Variants in ADGRG4 observed in about 807,000 individuals in gnomAD.
The protein encoded by ADGRG4 is G protein-coupled receptor 112.
ADGRG4 carries 122 observed loss-of-function variants against 126.2 expected under a neutral mutation model. The observed-to-expected ratio is 0.97, with a 90% CI of 0.83 to 1.12. The LOEUF is 1.12. ADGRG4 is among the 50% of genes most tolerant of loss of function. The pLI, the probability that ADGRG4 is intolerant of heterozygous loss-of-function variation, is 0.00. For missense variants in ADGRG4, 2,481 were observed against 2,251.8 expected (o/e 1.10, Z -2.06); for synonymous variants, 943 against 838.7 (o/e 1.12, Z -2.15).
chrX:136,372,039 A>C (rs771774535), intron 14 of ADGRG4, among the ~76,000 whole-genome samples: 1 of 111,813 alleles, frequency 8.9e-6, no homozygotes, highest in South Asian at 3.7e-4. Flanking sequence ...TAGAATGTTC[A>C]TTGTGAAAGG....
At chrX:136,401,721 C>T (rs1261903026) in intron 21 of ADGRG4, among the ~76,000 whole-genome samples, 1 of 112,209 alleles carries the variant, frequency 8.9e-6, no homozygotes, top group Non-Finnish European at 1.9e-5. Flanking sequence ...ATGACCGCCA[C>T]GTGAGTTGTA....
At chrX:136,366,863 G>A (rs752371933) in intron 13 of ADGRG4, among the ~76,000 whole-genome samples, 2 of 100,215 alleles carry the variant, frequency 2.0e-5, no homozygotes, top group Non-Finnish European at 4.1e-5. Flanking sequence ...TAGGCTGAAT[G>A]TTTGTGTGCC....
At chrX:136,329,411 G>A (rs1161595359) in intron 5 of ADGRG4, among the ~76,000 whole-genome samples, 1 of 112,031 alleles carries the variant, frequency 8.9e-6, no homozygotes, top group East Asian at 2.8e-4. Context: ...TTTGTGTAGA[G>A]TGAAAGAGCA....
chrX:136,393,418 A>G lies in ADGRG4; in HGVS notation c.8035-117A>G, dbSNP rs769228746. 5.0e-5 allele frequency: 27 copies of G among 540,307 alleles called. 1 individual carries two copies. The African/African-American group carries it at 6.1e-4, about 12-fold the overall frequency. The allele number at this position is 540,307 out of a possible 1,213,427, so 44.5% of individuals were successfully genotyped here. On this transcript the variant is annotated intron_variant, in intron 17 of 25. Coordinates refer to ENST00000394143, the MANE Select transcript of ADGRG4 (RefSeq NM_153834.4). ...GTATGTGTATGTGTGTGTGCATGTC[A>G]GTGTGTGCATGTTTACCATGGGAAA... is the stretch of plus-strand genomic sequence containing the variant.
In ADGRG4 at chrX:136,317,826, G is replaced by A. The variant is rs966311892; in HGVS notation, c.71-4952G>A. 4.5e-5 allele frequency among the ~76,000 whole-genome samples: 5 copies of A among 111,661 alleles called. No individual in the cohort carries two copies. The South Asian group carries it at 1.5e-3, about 34-fold the overall frequency. On this transcript the variant is annotated intron_variant, in intron 4 of 25. Coordinates refer to ENST00000394143, the MANE Select transcript of ADGRG4 (RefSeq NM_153834.4). ...ATCAGCCATTAGGGAAATACAAATC[G>A]AAACCACAATGAGATACCACTCCAT...
intron 9 of ADGRG4, among the ~76,000 whole-genome samples, 188 bp from the exon 10 acceptor site, chrX:136,357,516 T>C (rs777449807): frequency 8.9e-6 from 1 of 112,195 alleles, no homozygotes; most frequent in East Asian, 2.8e-4. Context: ...ACAATCCCTG[T>C]ATTGCCCACC....
At chrX:136,303,070 T>C (rs1453513547) in intron 1 of ADGRG4, among the ~76,000 whole-genome samples, 1 of 111,951 alleles carries the variant, frequency 8.9e-6, no homozygotes, top group Admixed American at 9.5e-5. Flanking sequence ...GCTGTTATTC[T>C]GGCACTTTGG....
At chrX:136,336,060 T>A (rs1026808817) in intron 5 of ADGRG4, among the ~76,000 whole-genome samples, 1 of 112,179 alleles carries the variant, frequency 8.9e-6, no homozygotes, top group Non-Finnish European at 1.9e-5. Context: ...AAATTAAATT[T>A]AATTTGATTA....
intron 15 of ADGRG4, among the ~76,000 whole-genome samples, chrX:136,380,169 A>C (rs2075250891): frequency 1.1e-5 from 1 of 91,867 alleles, no homozygotes; most frequent in African/African-American, 3.8e-5. Flanking sequence ...TGTTACCAAA[A>C]AAAAAAAAAA....
At chrX:136,303,013 C>T (rs1015908858) in intron 1 of ADGRG4, among the ~76,000 whole-genome samples, 3 of 111,288 alleles carry the variant, frequency 2.7e-5, no homozygotes, top group South Asian at 7.8e-4. Context: ...TGGTATGGCC[C>T]CTTTTATAGT....
intron 13 of ADGRG4, among the ~76,000 whole-genome samples, chrX:136,364,500 C>A (rs1277319144): frequency 9.0e-6 from 1 of 111,651 alleles, no homozygotes; most frequent in African/African-American, 3.3e-5. Flanking sequence ...TTATATATAC[C>A]ACAATAAATG....
chrX:136,339,191 C>G (rs911160595), intron 5 of ADGRG4, among the ~76,000 whole-genome samples: 5 of 111,257 alleles, frequency 4.5e-5, no homozygotes, highest in Non-Finnish European at 3.8e-5. Flanking sequence ...TTCTTGTTTC[C>G]CCTGCCTACC....
chrX:136,327,823 CTAGT>C (rs1309122126), intron 5 of ADGRG4, among the ~76,000 whole-genome samples: 7 of 110,860 alleles, frequency 6.3e-5, no homozygotes, highest in Non-Finnish European at 1.1e-4. Flanking sequence ...ATCATTTTTA[CTAGT>C]TATTTTATTA....
At chrX:136,395,938 C>T (rs1384501581) in intron 19 of ADGRG4, among the ~76,000 whole-genome samples, 1 of 111,677 alleles carries the variant, frequency 9.0e-6, no homozygotes, top group African/African-American at 3.3e-5. Context: ...TTTTAAAATA[C>T]CTTTATAGTA....
At position 136,416,456 on chromosome X, in the gene ADGRG4, G is replaced by T. The variant is rs369854851; in HGVS notation, c.9208G>T (p.Asp3070Tyr). ...TTTTCTTTTTTTCTTTACTGCAGAT[G>T]ACTTTGACAAAGATCCTTACTGTTC... is the stretch of plus-strand genomic sequence containing the variant. Reference protein sequence around the residue: ...TPSEISFPNDDFDKDPYCSSP With the variant: ...TPSEISFPNDYFDKDPYCSSP The change falls in exon 26 of 26, where the codon GAC becomes TAC. Residue 3070 changes from aspartate (D) to tyrosine (Y), a missense_variant and splice_region_variant. Coordinates refer to ENST00000394143, the MANE Select transcript of ADGRG4 (RefSeq NM_153834.4). 19 of 1,198,589 alleles carry T rather than the reference G, an allele frequency of 1.6e-5. No individual in the cohort carries two copies. In the East Asian group the frequency reaches 2.1e-4, roughly 13 times the overall value.
chrX:136,400,352 C>T (rs1324567602), intron 21 of ADGRG4, among the ~76,000 whole-genome samples: 1 of 111,800 alleles, frequency 8.9e-6, no homozygotes, highest in Admixed American at 9.5e-5. Flanking sequence ...GTGCTAAGTG[C>T]TGGCTCTATA....
chrX:136,413,930 C>T (rs778893412), intron 24 of ADGRG4, among the ~76,000 whole-genome samples: 1 of 109,820 alleles, frequency 9.1e-6, no homozygotes, highest in African/African-American at 3.3e-5. Flanking sequence ...TAGTAGAGAC[C>T]GGGTTTCTCC....
chrX:136,364,563 A>G (rs1326282202), intron 13 of ADGRG4, among the ~76,000 whole-genome samples: 1 of 112,222 alleles, frequency 8.9e-6, no homozygotes, highest in Non-Finnish European at 1.9e-5. Context: ...GGTTGTCAGT[A>G]ACATTTTTCT....
rs778797936 is a variant in ADGRG4, at chrX:136,398,828, A to G, written c.8306+826A>G. Among the ~76,000 whole-genome samples, 6 of 112,286 alleles carry G rather than the reference A, an allele frequency of 5.3e-5. No homozygotes were observed. In the South Asian group the frequency reaches 2.2e-3, roughly 41 times the overall value. On this transcript the variant is annotated intron_variant, in intron 20 of 25. Coordinates refer to ENST00000394143, the MANE Select transcript of ADGRG4 (RefSeq NM_153834.4). ...ATGTCCACTGAAAGATATGTACAAT[A>G]ATATTTATAGCAGCTTCAGTCACAG...
Sources: allele counts gnomAD v4.1 joint callset (sites outside exome capture counted in the v4.1 genomes callset), GRCh38; gene constraint gnomAD v4.1.1; transcripts MANE v1.5; gene names NCBI Gene and HGNC (gene_info 2026-07-23, HGNC 2026-07-21).